Variants in PLEKHG1 observed in about 807,000 individuals in gnomAD.
The protein encoded by PLEKHG1 is pleckstrin homology domain-containing family G member 1.
Under a neutral mutation model 100.8 loss-of-function variants are expected in PLEKHG1, and 44 were observed. That is an observed-to-expected ratio of 0.44 (90% CI 0.34 to 0.56). PLEKHG1 has a LOEUF of 0.56. Among genes scored for constraint, PLEKHG1 ranks in the 20% least tolerant of loss-of-function variants. The pLI is 0.01. For missense variants in PLEKHG1, 1,545 were observed against 1,720.9 expected (o/e 0.90, Z 1.81); for synonymous variants, 640 against 662.5 (o/e 0.97, Z 0.52).
intron 14 of PLEKHG1, among the ~76,000 whole-genome samples, chr6:150,829,415 T>A (rs1006143729): frequency 2.0e-5 from 3 of 152,120 alleles, no homozygotes; most frequent in African/African-American, 7.2e-5. Flanking sequence ...GGAGTTTGTC[T>A]AAGACCAGCC....
rs1466738341 is a variant in PLEKHG1, at chr6:150,600,237, G to A, written c.-204+220G>A. 3.3e-5 allele frequency among the ~76,000 whole-genome samples: 5 copies of A among 151,632 alleles called. No homozygotes were observed. Among genetic ancestry groups the A allele is most frequent in the African/African-American group, 1.2e-4 (5 of 41,350 alleles). On this transcript the variant is annotated intron_variant, in intron 1 of 3. Coordinates refer to the PLEKHG1 transcript ENST00000367326. This position sits in a 1 kb window ranked among gnomAD's most constrained non-coding sequence, Gnocchi z 6.2. ...AGGGCGCCGGGGGCACCGCGCGGTG[G>A]GGACGGAGGGCGCTGGGGGGCGCCG... is the stretch of plus-strand genomic sequence containing the variant.
At chr6:150,803,483 T>G (rs1786829697) in intron 6 of PLEKHG1, among the ~76,000 whole-genome samples, 2 of 152,206 alleles carry the variant, frequency 1.3e-5, no homozygotes, top group African/African-American at 2.4e-5. Context: ...ATATTCTCTA[T>G]CCTTAGACTC....
At chr6:150,808,550 G>T (rs747866553) in intron 7 of PLEKHG1, among the ~76,000 whole-genome samples, 15 of 152,160 alleles carry the variant, frequency 9.9e-5, no homozygotes, top group Admixed American at 3.3e-4. Flanking sequence ...AGGAGTTGAA[G>T]ACTAGCCTGG....
intron 15 of PLEKHG1, among the ~76,000 whole-genome samples, chr6:150,835,821 G>A (rs1040257526): frequency 6.6e-6 from 1 of 152,134 alleles, no homozygotes; most frequent in East Asian, 1.9e-4. Flanking sequence ...AGATCAGCAG[G>A]TGCAGTGACT....
At chr6:150,776,181 T>A (rs560867494) in intron 3 of PLEKHG1, among the ~76,000 whole-genome samples, 2 of 152,350 alleles carry the variant, frequency 1.3e-5, no homozygotes, top group Admixed American at 1.3e-4. Flanking sequence ...CTAAGGGACC[T>A]GAGCTCAAGT....
At chr6:150,677,309 C>T (rs897912844) in intron 3 of PLEKHG1, among the ~76,000 whole-genome samples, 7 of 145,578 alleles carry the variant, frequency 4.8e-5, no homozygotes, top group Admixed American at 1.4e-4. Context: ...CACACGCGCG[C>T]GCGCACACAC....
intron 3 of PLEKHG1, among the ~76,000 whole-genome samples, chr6:150,770,436 T>C (rs1199181594): frequency 6.6e-6 from 1 of 152,228 alleles, no homozygotes; most frequent in Non-Finnish European, 1.5e-5. Context: ...TGACTCAGAC[T>C]TTGAAAAACA....
In PLEKHG1 at chr6:150,678,063, C is replaced by CATATATAT. The variant is rs201616866; in HGVS notation, c.-99+27310_-99+27317dup. Among the ~76,000 whole-genome samples the CATATATAT allele has an allele frequency of 2.6e-3, 159 of 60,102 alleles. 6 individuals are homozygous for CATATATAT. Among genetic ancestry groups the CATATATAT allele is most frequent in the East Asian group, 3.4e-3 (5 of 1,462 alleles). 39.4% of individuals were successfully genotyped at this position (60,102 alleles called of 152,430 possible). ...TGGGATACAATGTGATGTTTTGATG[C>CATATATAT]ATATATATATATATATATATATATA... On this transcript the variant is annotated intron_variant, in intron 3 of 3. Transcript: ENST00000367326.
In PLEKHG1 at chr6:150,799,900, C is replaced by T. The variant is rs148891248; in HGVS notation, c.630-819C>T. Reference sequence around the variant, plus strand: ...GCGAACGAAAGATTTTTAATTTACACGCGTGTGACTGCACAAGCCGTTAGC... The same window carrying T: ...GCGAACGAAAGATTTTTAATTTACATGCGTGTGACTGCACAAGCCGTTAGC... On this transcript the variant is annotated intron_variant, in intron 5 of 15. Transcript: ENST00000358517. Among the ~76,000 whole-genome samples, 69 of 152,290 alleles carry T rather than the reference C, an allele frequency of 4.5e-4. 1 individual carries two copies. The East Asian group carries it at 4.6e-3, about 10-fold the overall frequency.
intron 3 of PLEKHG1, among the ~76,000 whole-genome samples, chr6:150,715,546 G>A (rs1310201666): frequency 1.3e-5 from 2 of 149,092 alleles, no homozygotes; most frequent in African/African-American, 4.9e-5. Flanking sequence ...GGAGTGCAGT[G>A]GCATGATCTC....
chr6:150,801,222 G>A (rs1431590531), intron 6 of PLEKHG1, among the ~76,000 whole-genome samples: 1 of 152,108 alleles, frequency 6.6e-6, no homozygotes, highest in African/African-American at 2.4e-5. Flanking sequence ...GGAAGGGAAA[G>A]CTATTTGTCA....
intron 4 of PLEKHG1, among the ~76,000 whole-genome samples, chr6:150,790,022 A>AT (rs34908667): frequency 0.32 from 47,894 of 151,184 alleles, 7,681 homozygotes; most frequent in East Asian, 0.39. Flanking sequence ...AAATTGAAAT[A>AT]TTTTTTTTTC....
At chr6:150,748,174 A>G (rs1583049427) in intron 2 of PLEKHG1, among the ~76,000 whole-genome samples, 3 of 152,196 alleles carry the variant, frequency 2.0e-5, no homozygotes, top group East Asian at 3.8e-4. Context: ...CACTTAGCAT[A>G]TTATCTTCAA....
chr6:150,768,513 C>G (rs1299740793), intron 2 of PLEKHG1, 125 bp from the exon 4 acceptor site: 6 of 641,088 alleles, frequency 9.4e-6, no homozygotes, highest in African/African-American at 9.2e-5. Flanking sequence ...TGTGTACTCT[C>G]AGAGTTAATG....
intron 3 of PLEKHG1, among the ~76,000 whole-genome samples, chr6:150,702,009 G>T (rs1003937889): frequency 6.6e-6 from 1 of 152,142 alleles, no homozygotes; most frequent in African/African-American, 2.4e-5. Flanking sequence ...CATACAGTAA[G>T]TCACAAGTCA....
chr6:150,760,618 A>G (rs1197795620), intron 2 of PLEKHG1, among the ~76,000 whole-genome samples: 3 of 143,924 alleles, frequency 2.1e-5, no homozygotes, highest in Admixed American at 7.1e-5. Flanking sequence ...CACATAGATT[A>G]TTTCAGAAAT....
intron 13 of PLEKHG1, among the ~76,000 whole-genome samples, chr6:150,821,478 C>T (rs1026406551): frequency 5.9e-5 from 9 of 152,030 alleles, no homozygotes; most frequent in African/African-American, 9.7e-5. Flanking sequence ...GAGGCCAGGA[C>T]TTCGAGACTA....
chr6:150,815,686 G>T (rs1014093290), intron 10 of PLEKHG1, among the ~76,000 whole-genome samples: 1 of 152,168 alleles, frequency 6.6e-6, no homozygotes, highest in Non-Finnish European at 1.5e-5. Flanking sequence ...GCTCCCCCAA[G>T]CCCCACACTT....
chr6:150,642,743 G>A (rs1778324160), intron 2 of PLEKHG1, among the ~76,000 whole-genome samples: 1 of 152,196 alleles, frequency 6.6e-6, no homozygotes, highest in Non-Finnish European at 1.5e-5. Flanking sequence ...CATTTTAGGA[G>A]TAGCACAGGT....
Sources: gnomAD v4.1 joint callset for allele counts (sites outside exome capture counted in the v4.1 genomes callset) on GRCh38, gnomAD v4.1.1 for gene constraint, Gnocchi (gnomAD v3.1) non-coding constraint, MANE v1.5 for transcripts, NCBI Gene and HGNC (gene_info 2026-07-23, HGNC 2026-07-21) for gene names.